The following MBNL1 variants were observed in gnomAD, a reference collection of about 807,000 sequenced individuals.
The protein encoded by MBNL1 is muscleblind-like protein 1.
In MBNL1, 8 loss-of-function variants were observed where a neutral mutation model predicts 42.2. The ratio of observed to expected loss-of-function variants is 0.19; its 90% CI spans 0.11 to 0.34. The LOEUF is 0.34. MBNL1 is among the 10% of genes least tolerant of loss of function. The pLI, the probability that MBNL1 is intolerant of heterozygous loss-of-function variation, is 1.00. For missense variants in MBNL1, 309 were observed against 495.3 expected, an observed-to-expected ratio of 0.62 and a Z score of 3.57; for synonymous variants, 169 against 173.9, an observed-to-expected ratio of 0.97 and a Z score of 0.22.
chr3:152,342,908 TGATATA>T (rs1241142857), intron 2 of MBNL1, among the ~76,000 whole-genome samples: 1 of 152,306 alleles, frequency 6.6e-6, no homozygotes, highest in East Asian at 1.9e-4. Context: ...TTTTAGTAAT[TGATATA>T]GATATAAATG....
intron 2 of MBNL1, among the ~76,000 whole-genome samples, chr3:152,324,558 G>A (rs1166363549): frequency 2.6e-5 from 4 of 152,154 alleles, no homozygotes; most frequent in African/African-American, 4.8e-5. Flanking sequence ...TTGGCAGATG[G>A]CAACCATAGT....
At chr3:152,363,361 T>C (rs561877454) in intron 2 of MBNL1, among the ~76,000 whole-genome samples, 1 of 152,180 alleles carries the variant, frequency 6.6e-6, no homozygotes, top group South Asian at 2.1e-4. Context: ...TAAATCAGAG[T>C]GTAAGACAGC....
At chr3:152,298,401 G>A (rs888021462) in intron 1 of MBNL1, among the ~76,000 whole-genome samples, 1 of 152,280 alleles carries the variant, frequency 6.6e-6, no homozygotes, top group African/African-American at 2.4e-5. Context: ...GGCAACAGGG[G>A]ATCCCTCATC....
intron 2 of MBNL1, among the ~76,000 whole-genome samples, chr3:152,320,041 A>G (rs530092457): frequency 2.0e-5 from 3 of 152,174 alleles, no homozygotes; most frequent in East Asian, 1.9e-4. Flanking sequence ...TCTAACCCCC[A>G]CTAGTTTATA....
chr3:152,328,221 A>G (rs2081694878), intron 2 of MBNL1, among the ~76,000 whole-genome samples: 1 of 152,166 alleles, frequency 6.6e-6, no homozygotes, highest in South Asian at 2.1e-4. Flanking sequence ...TGAACGTTTT[A>G]TATTGATAGA....
chr3:152,355,802 T>C (rs995406783), intron 2 of MBNL1, among the ~76,000 whole-genome samples: 66 of 152,300 alleles, frequency 4.3e-4, no homozygotes, highest in Non-Finnish European at 7.4e-4. Flanking sequence ...ATCTACTAAG[T>C]GTGTGACTTT....
At position 152,377,279 on chromosome 3, in the gene MBNL1, C is replaced by T. The variant is rs1211345223; in HGVS notation, c.175-37662C>T. ...CTTGTTTTTATGTGGGCCTTTGAATCTGGGTTGATTTGAAACTACCTACTG... is the reference window on the plus strand; with the variant it reads ...CTTGTTTTTATGTGGGCCTTTGAATTTGGGTTGATTTGAAACTACCTACTG... On this transcript the variant is annotated intron_variant, in intron 2 of 9. Transcript: ENST00000324210. Among the ~76,000 whole-genome samples the T allele has an allele frequency of 2.0e-5, 3 of 152,024 alleles. No homozygotes were observed. In the East Asian group the frequency reaches 5.8e-4, roughly 29 times the overall value.
At chr3:152,445,574 G>A (rs1560627675) in intron 5 of MBNL1, 35 bp downstream of exon 5, 1 of 1,570,384 alleles carries the variant, frequency 6.4e-7, no homozygotes, top group Non-Finnish European at 8.6e-7. Flanking sequence ...CTTGTTAGCA[G>A]TCAGAAAAGC....
chr3:152,432,764 C>A lies in MBNL1; in HGVS notation c.393C>A (p.Ala131=), dbSNP rs148220180. 4 of 1,614,062 alleles carry A rather than the reference C, an allele frequency of 2.5e-6. No individual in the cohort carries two copies. In the South Asian group the frequency reaches 3.3e-5, roughly 13 times the overall value. Residue 131 remains alanine (A), a synonymous_variant, in exon 4 of 10, where the codon GCC becomes GCA. Transcript: ENST00000324210. Reference sequence around the variant, plus strand: ...GCTTAGCCACCAATGCATCAGCAGCCGCCTTTAATCCCTATCTGGGACCTG... The same window carrying A: ...GCTTAGCCACCAATGCATCAGCAGCAGCCTTTAATCCCTATCTGGGACCTG... ...APSLATNASA[A]AFNPYLGPVS...
Position 152,332,731 on chromosome 3 carries a change from TGTGTGTGTGC to T in MBNL1, c.174+32366_174+32375del, listed in dbSNP as rs1170333520. ...GTGTGTGTGTGTGTGTGTGTGTGTG[TGTGTGTGTGC>T]GCGCGCGCATGCGCACACACTAGTT... On this transcript the variant is annotated intron_variant, in intron 2 of 9. Transcript: ENST00000324210. 5.7e-3 allele frequency among the ~76,000 whole-genome samples: 759 copies of T among 134,150 alleles called. 7 individuals are homozygous for T. Among genetic ancestry groups the T allele is most frequent in the African/African-American group, 9.2e-3 (302 of 32,848 alleles). 88.0% of individuals were successfully genotyped at this position (134,150 alleles called of 152,430 possible).
chr3:152,403,619 G>C (rs1164075975), intron 2 of MBNL1, among the ~76,000 whole-genome samples: 1 of 152,102 alleles, frequency 6.6e-6, no homozygotes, highest in Non-Finnish European at 1.5e-5. Flanking sequence ...GCTATTTGGG[G>C]AACTGCCCTA....
chr3:152,420,849 T>G (rs1006700173), intron 3 of MBNL1, among the ~76,000 whole-genome samples: 1 of 152,070 alleles, frequency 6.6e-6, no homozygotes, highest in South Asian at 2.1e-4. Flanking sequence ...TTTAACCCAA[T>G]GCAAGGAAGT....
intron 3 of MBNL1, among the ~76,000 whole-genome samples, chr3:152,428,893 T>G (rs558320725): frequency 1.3e-5 from 2 of 152,326 alleles, no homozygotes; most frequent in Non-Finnish European, 2.9e-5. Context: ...ACACATAATC[T>G]TTGTGATCCT....
chr3:152,288,131 A>G (rs1308127722), intron 1 of MBNL1, among the ~76,000 whole-genome samples: 1 of 152,220 alleles, frequency 6.6e-6, no homozygotes. Flanking sequence ...TCTGCCAACC[A>G]ACCATATTTG....
intron 1 of MBNL1, among the ~76,000 whole-genome samples, chr3:152,273,731 T>G (rs2149953856): frequency 6.6e-6 from 1 of 152,280 alleles, no homozygotes; most frequent in South Asian, 2.1e-4. Context: ...AAGATGTTTC[T>G]GAAATAATAT....
chr3:152,312,084 T>C (rs2066943854), intron 2 of MBNL1, among the ~76,000 whole-genome samples: 1 of 148,880 alleles, frequency 6.7e-6, no homozygotes, highest in Admixed American at 6.7e-5. Flanking sequence ...CCCAGCTACT[T>C]GGGAGGCTGA....
chr3:152,459,673 A>AT (rs1419069141), intron 9 of MBNL1, among the ~76,000 whole-genome samples: 4 of 151,978 alleles, frequency 2.6e-5, no homozygotes. Context: ...GACAGTAAGT[A>AT]TTTTTGCTGT....
At chr3:152,312,191 C>CAAAA (rs34750394) in intron 2 of MBNL1, among the ~76,000 whole-genome samples, 3 of 47,450 alleles carry the variant, frequency 6.3e-5, no homozygotes, top group Non-Finnish European at 8.8e-5. Flanking sequence ...GACTCCGTCT[C>CAAAA]AAAAAAAAAA....
intron 2 of MBNL1, among the ~76,000 whole-genome samples, chr3:152,306,579 G>C (rs2151852890): frequency 6.6e-6 from 1 of 152,216 alleles, no homozygotes; most frequent in South Asian, 2.1e-4. Flanking sequence ...TGGTAGCAGG[G>C]ATTGCTAGGA....
Sources: gnomAD v4.1 joint callset for allele counts (sites outside exome capture counted in the v4.1 genomes callset) on GRCh38, gnomAD v4.1.1 for gene constraint, MANE v1.5 for transcripts, NCBI Gene and HGNC (gene_info 2026-07-23, HGNC 2026-07-21) for gene names.